The following DNAH8 variants were observed in gnomAD, a reference collection of about 807,000 sequenced individuals.
DNAH8 encodes the protein axonemal beta dynein heavy chain 8.
Under a neutral mutation model 562.1 loss-of-function variants are expected in DNAH8, and 382 were observed. The observed-to-expected ratio is 0.68, with a 90% CI of 0.63 to 0.74. DNAH8 has a LOEUF of 0.74. Among genes scored for constraint, DNAH8 ranks in the 30% least tolerant of loss-of-function variants. The pLI is 0.00. For missense variants in DNAH8, 5,203 were observed against 5,620.4 expected, an observed-to-expected ratio of 0.93 and a Z score of 2.37; for synonymous variants, 1,881 against 1,919.4, an observed-to-expected ratio of 0.98 and a Z score of 0.52.
At chr6:38,932,908 C>T (rs1241895641) in intron 76 of DNAH8, 1 of 152,232 alleles carries the variant, frequency 6.6e-6, no homozygotes, top group Non-Finnish European at 1.5e-5. Context: ...CAGGCACAGG[C>T]CCTTGAAAGG....
intron 78 of DNAH8, among the ~76,000 whole-genome samples, chr6:38,938,568 C>T (rs1783167514): frequency 6.6e-6 from 1 of 152,034 alleles, no homozygotes; most frequent in East Asian, 1.9e-4. Flanking sequence ...TAGAGGAGAA[C>T]AACAGACACT....
intron 12 of DNAH8, among the ~76,000 whole-genome samples, chr6:38,773,940 TG>T (rs1767820382): frequency 6.6e-6 from 1 of 152,100 alleles, no homozygotes; most frequent in Non-Finnish European, 1.5e-5. Flanking sequence ...AGACTGATGT[TG>T]GGGTTGGAGA....
At chr6:38,975,904 C>T (rs1763639522) in intron 85 of DNAH8, among the ~76,000 whole-genome samples, 1 of 152,126 alleles carries the variant, frequency 6.6e-6, no homozygotes, top group African/African-American at 2.4e-5. Flanking sequence ...GGGGTATTTG[C>T]CATATGGTTA....
intron 89 of DNAH8, among the ~76,000 whole-genome samples, 159 bp downstream of exon 89, chr6:39,009,129 A>G (rs995883993): frequency 1.3e-5 from 2 of 152,194 alleles, no homozygotes; most frequent in Non-Finnish European, 2.9e-5. Flanking sequence ...TGCATCTCTC[A>G]TTGTTCACAT....
intron 91 of DNAH8, among the ~76,000 whole-genome samples, chr6:39,017,348 G>A (rs1158781591): frequency 6.6e-6 from 1 of 152,146 alleles, no homozygotes; most frequent in Non-Finnish European, 1.5e-5. Flanking sequence ...ACATGTCTGT[G>A]CTGTGTGTGG....
At chr6:38,930,727 G>A (rs4714200) in intron 75 of DNAH8, among the ~76,000 whole-genome samples, 106,430 of 151,978 alleles carry the variant, frequency 0.7, 37,903 homozygotes, top group East Asian at 0.83. Flanking sequence ...TTAATCCACA[G>A]GTAAAGATCG....
intron 1 of DNAH8, among the ~76,000 whole-genome samples, chr6:38,715,919 T>A (rs1762250671): frequency 4.6e-5 from 2 of 43,628 alleles, no homozygotes; most frequent in Non-Finnish European, 7.6e-5. Flanking sequence ...AATAAATAAA[T>A]AAATAAATAT....
chr6:38,863,897 G>A lies in DNAH8; in HGVS notation c.6335G>A (p.Gly2112Asp). The stretch of plus-strand genomic sequence containing the variant: ...GGTCTTGCACAGTCGGGTTCCTGGG[G>A]CTGTTTTGATGAGTTTAACAGAATT... Reference protein sequence around the residue: ...FKGLAQSGSWGCFDEFNRIEL... With the variant: ...FKGLAQSGSWDCFDEFNRIEL... The change falls in exon 45 of 93, where the codon GGC (glycine) becomes GAC (aspartate). Residue 2112 changes from glycine to aspartate, a missense_variant. Around this residue, in one of 6 missense-constraint regions of DNAH8, gnomAD observed 2,176 missense variants for 2,365.1 expected, o/e 0.92. Coordinates refer to ENST00000327475, the MANE Select transcript of DNAH8 (RefSeq NM_001206927.2). The A allele has an allele frequency of 6.2e-7, 1 of 1,600,182 alleles. No homozygotes were observed. The highest frequency in any genetic ancestry group is 8.5e-7 in the Non-Finnish European group (1 of 1,176,864).
chr6:38,851,985 A>G (rs1055269569), intron 39 of DNAH8, among the ~76,000 whole-genome samples: 2 of 152,206 alleles, frequency 1.3e-5, no homozygotes, highest in Non-Finnish European at 2.9e-5. Flanking sequence ...CAGGACTGTC[A>G]TGAGGATTAT....
rs1256101267 is a variant in DNAH8, at chr6:38,864,074, C to T, written c.6498+14C>T. ...TTCTTAACGATGGTGAGAAAAAAGG[C>T]TTTAAATGCAATTTAATTAGTTTAA... is the stretch of plus-strand genomic sequence containing the variant. On this transcript the variant is annotated intron_variant, in intron 45 of 92. Coordinates refer to ENST00000327475, the MANE Select transcript of DNAH8 (RefSeq NM_001206927.2). The T allele has an allele frequency of 6.3e-7, 1 of 1,599,214 alleles. No homozygotes were observed. Among genetic ancestry groups the T allele is most frequent in the Non-Finnish European group, 8.5e-7 (1 of 1,175,952 alleles).
chr6:38,966,091 C>T (rs1411472198), intron 82 of DNAH8, among the ~76,000 whole-genome samples: 1 of 151,888 alleles, frequency 6.6e-6, no homozygotes, highest in Non-Finnish European at 1.5e-5. Context: ...ATCAATAAAA[C>T]TGACAAATAT....
Position 38,917,986 on chromosome 6 carries a change from A to G in DNAH8, c.10370A>G (p.Glu3457Gly). The change falls in exon 70 of 93, where the codon GAA becomes GGA. Residue 3457 changes from glutamate to glycine, a missense_variant. Glu to Gly is a moderately conservative substitution (Grantham distance 98, BLOSUM62 -2). This residue lies in a region of DNAH8 where 1,399 missense variants were observed against 1,518.4 expected (regional missense o/e 0.92). Coordinates refer to ENST00000327475, the MANE Select transcript of DNAH8 (RefSeq NM_001206927.2). ...CAGTTCCCTAAGGACACTATAAATG[A>G]AGAGACTGTTGAGTTACTACAGCCA... is the stretch of plus-strand genomic sequence containing the variant. ...LQQFPKDTIN[E>G]ETVELLQPYF... 3.1e-6 allele frequency: 5 copies of G among 1,613,868 alleles called. No individual in the cohort carries two copies. Among genetic ancestry groups the G allele is most frequent in the Non-Finnish European group, 4.2e-6 (5 of 1,179,858 alleles).
chr6:38,844,122 G>A (rs1775077820), intron 35 of DNAH8, among the ~76,000 whole-genome samples: 1 of 152,048 alleles, frequency 6.6e-6, no homozygotes, highest in Non-Finnish European at 1.5e-5. Context: ...TTCCATGAAT[G>A]GAGGGCTTTA....
chr6:38,882,378 G>A (rs181554348), intron 53 of DNAH8, among the ~76,000 whole-genome samples: 2 of 152,308 alleles, frequency 1.3e-5, no homozygotes, highest in African/African-American at 4.8e-5. Flanking sequence ...ATACTATGCA[G>A]CCATAAAAAA....
chr6:38,772,029 C>CTTTTT (rs34980133), intron 12 of DNAH8, among the ~76,000 whole-genome samples: 1 of 131,910 alleles, frequency 7.6e-6, no homozygotes, highest in Non-Finnish European at 1.6e-5. Flanking sequence ...TTTATGATTT[C>CTTTTT]TTTTTTTTTT....
At position 38,873,318 on chromosome 6, in the gene DNAH8, A is replaced by G. The variant is rs1013341999; in HGVS notation, c.7562A>G (p.Tyr2521Cys). ...YEKVFEDTYT[Y>C]MKLNLNPKMQ... is the part of the protein sequence containing the mutation. The stretch of plus-strand genomic sequence containing the variant: ...AAAGTCTTTGAAGATACATACACAT[A>G]TATGAAGCTAAATCTCAATCCCAAA... Residue 2521 changes from tyrosine to cysteine, a missense_variant, in exon 52 of 93, where the codon TAT (tyrosine) becomes TGT (cysteine). Transcript: ENST00000327475. 1.9e-6 allele frequency: 3 copies of G among 1,613,506 alleles called. No homozygotes were observed. Among genetic ancestry groups the G allele is most frequent in the African/African-American group, 1.3e-5 (1 of 74,916 alleles).
At chr6:38,894,991 C>G (rs887267031) in intron 59 of DNAH8, 127 bp downstream of exon 59, 1 of 923,472 alleles carries the variant, frequency 1.1e-6, no homozygotes, top group Non-Finnish European at 1.5e-6. Flanking sequence ...TGCAATGGTG[C>G]GATCTCAGCT....
In DNAH8 at chr6:38,870,541, C is replaced by A. The variant is rs1399963520; in HGVS notation, c.6969C>A (p.Pro2323=). The A allele has an allele frequency of 1.4e-5, 23 of 1,613,808 alleles. No individual in the cohort carries two copies. The highest frequency in any genetic ancestry group is 1.9e-5 in the Non-Finnish European group (23 of 1,179,946). Residue 2323 remains proline (P), a synonymous_variant, in exon 49 of 93, where the codon CCC becomes CCA. Transcript: ENST00000327475. ...VQIEGLINHP[P]WNLKLVQLYE... is the part of the protein sequence containing the mutation. ...TAGAGGGTTTGATTAACCATCCACCCTGGAACCTGAAACTCGTGCAGGTAA... is the reference window on the plus strand; with the variant it reads ...TAGAGGGTTTGATTAACCATCCACCATGGAACCTGAAACTCGTGCAGGTAA...
At chr6:38,793,354 C>T (rs117049051) in intron 21 of DNAH8, among the ~76,000 whole-genome samples, 2 of 152,040 alleles carry the variant, frequency 1.3e-5, no homozygotes, top group African/African-American at 2.4e-5. Flanking sequence ...TTGGTGTGTT[C>T]AAGTTTAAGA....
Sources: gnomAD v4.1 joint callset for allele counts (sites outside exome capture counted in the v4.1 genomes callset) on GRCh38, gnomAD v4.1.1 for gene constraint, gnomAD v4.1.1 regional missense constraint, MANE v1.5 for transcripts, NCBI Gene and HGNC (gene_info 2026-07-23, HGNC 2026-07-21) for gene names.